ZNF395: variants seen among roughly 807,000 people sequenced by gnomAD.
ZNF395 encodes zinc finger protein 395.
ZNF395 carries 20 observed loss-of-function variants against 57.7 expected under a neutral mutation model. That is an observed-to-expected ratio of 0.35 (90% CI 0.24 to 0.50). The LOEUF is 0.50. Ranked by LOEUF, ZNF395 falls within the 20% of genes least tolerant of loss-of-function variation. ZNF395 has a pLI of 0.97. For synonymous variants in ZNF395, 295 were observed against 275.9 expected (o/e 1.07, Z -0.69); for missense variants, 606 against 671.2 (o/e 0.90, Z 1.07).
intron 7 of ZNF395, among the ~76,000 whole-genome samples, chr8:28,350,803 T>C (rs901480357): frequency 6.6e-6 from 1 of 152,198 alleles, no homozygotes; most frequent in Admixed American, 6.5e-5. Context: ...CACAAAAGAA[T>C]TTTAAGAAAT....
At chr8:28,357,323 T>A (rs776357705) in intron 3 of ZNF395, among the ~76,000 whole-genome samples, 3 of 152,082 alleles carry the variant, frequency 2.0e-5, no homozygotes, top group South Asian at 4.2e-4. Context: ...CTTCTGAATG[T>A]CAACAGAACC....
rs764542240 is a variant in ZNF395 at position 28,361,035 on chromosome 8, A to G, written c.90T>C (p.Ala30=). 1 of 1,610,420 alleles carries G rather than the reference A, an allele frequency of 6.2e-7. No individual in the cohort carries two copies. The highest frequency in any genetic ancestry group is 1.7e-5 in the Admixed American group (1 of 59,734). ...LGPSASEGPS[A]APPSEPLLEG... ...CTAGCAGTGGCTCCGAGGGTGGGGC[A>G]GCCGAGGGCCCCTCCGAGGCACTGG... The change falls in exon 2 of 10, where the codon GCT becomes GCC. Residue 30 remains alanine (A), a synonymous_variant. Transcript: ENST00000344423.
Position 28,359,152 on chromosome 8 carries a change from G to A in ZNF395, c.473+440C>T, listed in dbSNP as rs150150361. On this transcript the variant is annotated intron_variant, in intron 3 of 9. Transcript: ENST00000344423. This position sits in a 1 kb window ranked among gnomAD's most constrained non-coding sequence, Gnocchi z 4.7. ...TGGCTCAAACCTGTAATCCCAGCAC[G>A]TTGGGAGGCCAAGGCAGGTGGATCA... 0.037 allele frequency among the ~76,000 whole-genome samples: 5,676 copies of A among 152,220 alleles called. 312 individuals carry two copies. Among genetic ancestry groups the A allele is most frequent in the African/African-American group, 0.12 (4,984 of 41,522 alleles).
rs952526504 is a variant in ZNF395, at chr8:28,356,577, G to A, written c.583+93C>T. On this transcript the variant is annotated intron_variant, in intron 4 of 9. Transcript: ENST00000344423. This position sits in a 1 kb window ranked among gnomAD's most constrained non-coding sequence, Gnocchi z 4.0. ...GTGTCCCTGGACATTCTATTGCCAG[G>A]CTGGTGACATAGGCAACTAGCTGCT... 1.2e-6 allele frequency: 1 copy of A among 861,408 alleles called. No individual in the cohort carries two copies. Among genetic ancestry groups the A allele is most frequent in the Non-Finnish European group, 1.8e-6 (1 of 550,682 alleles). The allele number at this position is 861,408 out of a possible 1,614,324, so 53.4% of individuals were successfully genotyped here. A position where few individuals can be genotyped will look rare whatever the true frequency, so the allele number is the denominator to read the frequency against.
chr8:28,357,831 T>C (rs1317354225), intron 3 of ZNF395, among the ~76,000 whole-genome samples: 2 of 152,228 alleles, frequency 1.3e-5, no homozygotes, highest in Non-Finnish European at 2.9e-5. Context: ...AGAGGTGGGA[T>C]AGGGTGTGAC....
At chr8:28,361,766 A>T (rs1222124256) in intron 1 of ZNF395, among the ~76,000 whole-genome samples, 6 of 152,206 alleles carry the variant, frequency 3.9e-5, no homozygotes, top group African/African-American at 1.4e-4. Context: ...TCTCAAGCTC[A>T]GCAGGCTCAA....
chr8:28,362,416 TTA>T (rs1801861500), intron 1 of ZNF395, among the ~76,000 whole-genome samples: 1 of 152,252 alleles, frequency 6.6e-6, no homozygotes, highest in Non-Finnish European at 1.5e-5. Context: ...GCTCATTTGC[TTA>T]TTATGTGCAA....
In ZNF395 at chr8:28,352,354, CAAG is replaced by C. The variant is rs1341726081; in HGVS notation, c.920+216_920+218del. 1.3e-5 allele frequency among the ~76,000 whole-genome samples: 2 copies of C among 152,208 alleles called. No individual in the cohort carries two copies. Among genetic ancestry groups the C allele is most frequent in the Non-Finnish European group, 2.9e-5 (2 of 68,032 alleles). On this transcript the variant is annotated intron_variant, in intron 6 of 9. Transcript: ENST00000344423. The surrounding 1 kb of genome is among the most constrained non-coding windows in gnomAD (Gnocchi z 4.0). ...AAACATCTTGCTTCCTGCAATGAGG[CAAG>C]AAGACACATCCCCAAGATGGACAGA...
intron 3 of ZNF395, among the ~76,000 whole-genome samples, chr8:28,358,723 CTAAA>C (rs1389162237): frequency 1.3e-5 from 2 of 152,148 alleles, no homozygotes; most frequent in Non-Finnish European, 2.9e-5. Flanking sequence ...TGCGCCTGGC[CTAAA>C]TAGTTTTAAA....
chr8:28,382,558 A>G (rs1053343451), intron 1 of ZNF395, among the ~76,000 whole-genome samples: 5 of 152,092 alleles, frequency 3.3e-5, no homozygotes, highest in African/African-American at 4.8e-5. Flanking sequence ...CCTTGTCCCT[A>G]AACGTTTTTC....
chr8:28,349,981 C>T (rs946029041), intron 8 of ZNF395, 83 bp downstream of exon 8: 27 of 1,303,268 alleles, frequency 2.1e-5, no homozygotes, highest in Non-Finnish European at 2.1e-5. Flanking sequence ...GTGCCCCGTG[C>T]CCAAGGGATG....
chr8:28,355,987 G>T (rs1486291109), intron 4 of ZNF395, among the ~76,000 whole-genome samples: 1 of 152,146 alleles, frequency 6.6e-6, no homozygotes, highest in Non-Finnish European at 1.5e-5. Flanking sequence ...TTCTTCCCTG[G>T]GAGTAGGGTA....
At chr8:28,380,053 GA>G (rs1189350173) in intron 1 of ZNF395, among the ~76,000 whole-genome samples, 4 of 151,716 alleles carry the variant, frequency 2.6e-5, no homozygotes, top group African/African-American at 9.7e-5. Flanking sequence ...TATTTTTCAT[GA>G]CTTCATAACA....
chr8:28,361,325 C>T (rs745483969), intron 1 of ZNF395, 143 bp from the exon 2 acceptor site: 48 of 723,180 alleles, frequency 6.6e-5, no homozygotes, highest in Middle Eastern at 4.0e-4. Context: ...GTAGGACAAT[C>T]GGAAAAGCAA....
In ZNF395 at chr8:28,356,657, C is replaced by T. The variant is rs781239649; in HGVS notation, c.583+13G>A. The T allele has an allele frequency of 6.2e-7, 1 of 1,610,212 alleles. No individual in the cohort carries two copies. The highest frequency in any genetic ancestry group is 1.1e-5 in the South Asian group (1 of 90,902). ...TACCATGCCCAGAACCCAGCTGGGC[C>T]CCGCTTGCTCACCAGAGAAGTTGGC... On this transcript the variant is annotated intron_variant, in intron 4 of 9. Transcript: ENST00000344423. The surrounding 1 kb of genome is among the most constrained non-coding windows in gnomAD (Gnocchi z 4.0).
At chr8:28,374,022 CA>C (rs1307578170) in intron 1 of ZNF395, among the ~76,000 whole-genome samples, 2 of 152,108 alleles carry the variant, frequency 1.3e-5, no homozygotes, top group Non-Finnish European at 2.9e-5. Context: ...GTCTGTGCAG[CA>C]ATGTTTTTTG....
chr8:28,375,812 A>C (rs1802033819), intron 1 of ZNF395, among the ~76,000 whole-genome samples: 1 of 152,158 alleles, frequency 6.6e-6, no homozygotes, highest in African/African-American at 2.4e-5. Context: ...ACAGCACACC[A>C]AGAGCAATTC....
At chr8:28,380,187 C>T (rs1254363438) in intron 1 of ZNF395, among the ~76,000 whole-genome samples, 1 of 152,104 alleles carries the variant, frequency 6.6e-6, no homozygotes, top group Non-Finnish European at 1.5e-5. Flanking sequence ...AATCTCTGTG[C>T]ATAAATCATC....
intron 1 of ZNF395, among the ~76,000 whole-genome samples, chr8:28,370,602 G>C (rs554079075): frequency 5.9e-5 from 9 of 152,342 alleles, no homozygotes; most frequent in African/African-American, 1.7e-4. Context: ...TCACTGGTGA[G>C]GACGTTCTGA....
Sources: allele counts gnomAD v4.1 joint callset (sites outside exome capture counted in the v4.1 genomes callset), GRCh38; gene constraint gnomAD v4.1.1; non-coding constraint Gnocchi (gnomAD v3.1); transcripts MANE v1.5; gene names NCBI Gene and HGNC (gene_info 2026-07-23, HGNC 2026-07-21).